Variants in SDC1 observed in about 807,000 individuals in gnomAD.
SDC1 encodes syndecan-1.
In SDC1, 14 loss-of-function variants were observed where a neutral mutation model predicts 29.7. The observed-to-expected ratio is 0.47, with a 90% CI of 0.31 to 0.74. The LOEUF is 0.74. SDC1 is among the 30% of genes least tolerant of loss of function. The probability of loss-of-function intolerance (pLI) is 0.05; values close to 1 mark genes in which losing one functional copy is unlikely to be tolerated. For synonymous variants in SDC1, 204 were observed against 175.5 expected (o/e 1.16, Z -1.29); for missense variants, 406 against 400.3 (o/e 1.01, Z -0.12).
chr2:20,213,189 C>A (rs1558435772), intron 1 of SDC1, among the ~76,000 whole-genome samples: 1 of 152,220 alleles, frequency 6.6e-6, no homozygotes, highest in African/African-American at 2.4e-5. Context: ...CCTCAGCAGC[C>A]CACATGCCAG....
chr2:20,209,148 C>A (rs982301777), intron 1 of SDC1, among the ~76,000 whole-genome samples: 1 of 152,182 alleles, frequency 6.6e-6, no homozygotes, highest in East Asian at 1.9e-4. Flanking sequence ...GGGGTCAGGG[C>A]TCTGACCCAG....
In SDC1 at chr2:20,202,167, G is replaced by C. The variant is rs1291095609; in HGVS notation, c.*599C>G. The C allele has an allele frequency of 7.5e-6, 5 of 664,178 alleles. No homozygotes were observed. The highest frequency in any genetic ancestry group is 5.5e-5 in the African/African-American group (3 of 54,954). The allele number at this position is 664,178 out of a possible 1,614,324, so 41.1% of individuals were successfully genotyped here. A position where few individuals can be genotyped will look rare whatever the true frequency, so the allele number is the denominator to read the frequency against. On this transcript the variant is annotated 3_prime_UTR_variant, in exon 5 of 5. Coordinates refer to ENST00000254351, the MANE Select transcript of SDC1 (RefSeq NM_002997.5). ...GACCATAGATTAGGGAAGCAAGATGGGGGGATACCGAATCAACTTACTTAA... is the reference window on the plus strand; with the variant it reads ...GACCATAGATTAGGGAAGCAAGATGCGGGGATACCGAATCAACTTACTTAA...
At chr2:20,213,480 C>A (rs533059567) in intron 1 of SDC1, among the ~76,000 whole-genome samples, 38 of 152,354 alleles carry the variant, frequency 2.5e-4, no homozygotes, top group African/African-American at 9.1e-4. Context: ...TTGGTATCAT[C>A]ACCCTCAGCT....
At chr2:20,203,292 G>A (rs1247927691) in intron 3 of SDC1, 70 bp from the exon 4 acceptor site, 114 of 1,523,312 alleles carry the variant, frequency 7.5e-5, no homozygotes, top group Non-Finnish European at 9.6e-5. Flanking sequence ...TCCACTACAA[G>A]ACCCAGAAGC....
chr2:20,201,794 C>G lies in SDC1; in HGVS notation c.*972G>C, dbSNP rs1353671349. On this transcript the variant is annotated 3_prime_UTR_variant, in exon 5 of 5. Coordinates refer to ENST00000254351, the MANE Select transcript of SDC1 (RefSeq NM_002997.5). ...TGCAGGAGGATCTCCAGGCCCCTGC[C>G]GCCCTCCCTACAGTCCTCTCTGTCT... is the stretch of plus-strand genomic sequence containing the variant. 6.5e-6 allele frequency: 1 copy of G among 153,578 alleles called. No homozygotes were observed. The highest frequency in any genetic ancestry group is 2.4e-5 in the African/African-American group (1 of 41,478). The allele number at this position is 153,578 out of a possible 1,614,324, so 9.5% of individuals were successfully genotyped here.
chr2:20,203,709 G>A lies in SDC1; in HGVS notation c.627+104C>T, dbSNP rs1410569874. On this transcript the variant is annotated intron_variant, in intron 3 of 4. Transcript: ENST00000254351. ...CGGGCCCCTGTGCCCTGTCTTCCTG[G>A]TGAGGAATACGAGATGCCCGCAGGG... 5 of 873,520 alleles carry A rather than the reference G, an allele frequency of 5.7e-6. No homozygotes were observed. In the African/African-American group the frequency reaches 8.4e-5, roughly 15 times the overall value. The allele number at this position is 873,520 out of a possible 1,614,324, so 54.1% of individuals were successfully genotyped here. A position where few individuals can be genotyped will look rare whatever the true frequency, so the allele number is the denominator to read the frequency against.
At chr2:20,209,862 C>A (rs1296481208) in intron 1 of SDC1, among the ~76,000 whole-genome samples, 1 of 152,266 alleles carries the variant, frequency 6.6e-6, no homozygotes, top group African/African-American at 2.4e-5. Flanking sequence ...GTCCAGTGGG[C>A]ATCTCAGACA....
Position 20,202,903 on chromosome 2 carries a change from A to T in SDC1, c.796T>A (p.Phe266Ile), listed in dbSNP as rs1304755161. Residue 266 changes from phenylalanine (F) to isoleucine (I), a missense_variant, in exon 5 of 5, where the codon TTT becomes ATT. Physicochemically the swap from Phe to Ile is conservative, Grantham distance 21. Coordinates refer to ENST00000254351, the MANE Select transcript of SDC1 (RefSeq NM_002997.5). ...VIAGGLVGLIFAVCLVGFMLY... is the reference protein window; with the variant it reads ...VIAGGLVGLIIAVCLVGFMLY... ...ATGAAACCCACCAGGCACACAGCAA[A>T]GATGAGCCCCACGAGGCCTCCGGCA... 3 of 1,613,262 alleles carry T rather than the reference A, an allele frequency of 1.9e-6. No homozygotes were observed. The highest frequency in any genetic ancestry group is 1.1e-5 in the South Asian group (1 of 90,946).
In SDC1 at chr2:20,203,825, G is replaced by A; in HGVS notation, c.615C>T (p.Gly205=). The change falls in exon 3 of 5, where the codon GGC becomes GGT. Residue 205 remains glycine, a synonymous_variant. Coordinates refer to ENST00000254351, the MANE Select transcript of SDC1 (RefSeq NM_002997.5). The part of the protein sequence containing the change: ...GASSQLPAAE[G]SGEQDFTFET... ...AGAGGCCACTCACCTGCTCCCCAGA[G>A]CCCTCTGCTGCTGGGAGCTGACTGG... 4 of 1,589,982 alleles carry A rather than the reference G, an allele frequency of 2.5e-6. No individual in the cohort carries two copies. The highest frequency in any genetic ancestry group is 2.2e-5 in the South Asian group (2 of 89,782).
Position 20,224,803 on chromosome 2 carries a change from G to A in SDC1, c.65C>T (p.Pro22Leu), listed in dbSNP as rs897966088. The A allele has an allele frequency of 3.1e-6, 4 of 1,303,554 alleles. No homozygotes were observed. Among genetic ancestry groups the A allele is most frequent in the Non-Finnish European group, 3.9e-6 (4 of 1,026,026 alleles). 80.7% of individuals were successfully genotyped at this position (1,303,554 alleles called of 1,614,324 possible). A position where few individuals can be genotyped will look rare whatever the true frequency, so the allele number is the denominator to read the frequency against. Residue 22 changes from proline (P) to leucine (L), a missense_variant and splice_region_variant, in exon 1 of 5, where the codon CCG (proline) becomes CTG (leucine). Pro to Leu is a moderately conservative substitution (Grantham distance 98). Transcript: ENST00000254351. The surrounding 1 kb of genome is among the most constrained non-coding windows in gnomAD (Gnocchi z 4.9). ...ALALSLQPAL[P>L]QIVATNLPPE... ...CGCCTGGCCGCCGGCCGCACTCACC[G>A]GCAGGGCCGGCTGCAGGCTCAGCGC...
rs528249967 is a variant in SDC1, at chr2:20,212,713, G to A, written c.67-7289C>T. Among the ~76,000 whole-genome samples, 134 of 152,266 alleles carry A rather than the reference G, an allele frequency of 8.8e-4. 1 individual carries two copies. Among genetic ancestry groups the A allele is most frequent in the Non-Finnish European group, 1.5e-3 (99 of 68,028 alleles). On this transcript the variant is annotated intron_variant, in intron 1 of 4. Transcript: ENST00000254351. ...ATGACAGGCAGGGAGTGATGGGCCC[G>A]GCCCAGGGCAGGAGGGAGACAGAAA...
Position 20,206,284 on chromosome 2 carries a change from G to T in SDC1, c.67-860C>A, listed in dbSNP as rs141781428. Among the ~76,000 whole-genome samples, 110 of 152,374 alleles carry T rather than the reference G, an allele frequency of 7.2e-4. 1 individual carries two copies. In the East Asian group the frequency reaches 0.02, roughly 27 times the overall value. Reference sequence around the variant, plus strand: ...GCAGTCCCAGGAATGCTGCCCGCCTGCCCAGCTCCAAGAGGCAAAGGGGCC... The same window carrying T: ...GCAGTCCCAGGAATGCTGCCCGCCTTCCCAGCTCCAAGAGGCAAAGGGGCC... On this transcript the variant is annotated intron_variant, in intron 1 of 4. Transcript: ENST00000254351.
chr2:20,216,861 C>T (rs1677641006), intron 1 of SDC1, among the ~76,000 whole-genome samples: 1 of 152,238 alleles, frequency 6.6e-6, no homozygotes, highest in African/African-American at 2.4e-5. Flanking sequence ...AGGCCAGGCG[C>T]CAGAGTTCTG....
rs546187856 is a variant in SDC1, at chr2:20,219,038, A to G, written c.66+5764T>C. ...CCAGTGGCAGCCTCGGGAAGCCCCGAGCGCAGCAGGAGAGGTCGCTGGGCA... is the reference window on the plus strand; with the variant it reads ...CCAGTGGCAGCCTCGGGAAGCCCCGGGCGCAGCAGGAGAGGTCGCTGGGCA... On this transcript the variant is annotated intron_variant, in intron 1 of 4. Transcript: ENST00000254351. Among the ~76,000 whole-genome samples, 52 of 152,290 alleles carry G rather than the reference A, an allele frequency of 3.4e-4. No homozygotes were observed. In the Middle Eastern group the frequency reaches 0.01, roughly 30 times the overall value.
chr2:20,223,737 G>C (rs531246297), intron 1 of SDC1, among the ~76,000 whole-genome samples: 14 of 152,244 alleles, frequency 9.2e-5, no homozygotes, highest in Non-Finnish European at 1.8e-4. Flanking sequence ...TACAGGGGCC[G>C]AGAACAAAGC....
At chr2:20,206,311 G>A (rs1259090546) in intron 1 of SDC1, among the ~76,000 whole-genome samples, 1 of 152,240 alleles carries the variant, frequency 6.6e-6, no homozygotes, top group Non-Finnish European at 1.5e-5. Context: ...AAAGGGGCCA[G>A]AGGGCAAACA....
At chr2:20,220,235 T>C (rs1677773220) in intron 1 of SDC1, among the ~76,000 whole-genome samples, 1 of 152,192 alleles carries the variant, frequency 6.6e-6, no homozygotes, top group Non-Finnish European at 1.5e-5. Context: ...CTCATATCCA[T>C]GGTCTTCAGG....
Position 20,202,173 on chromosome 2 carries a change from T to C in SDC1, c.*593A>G, listed in dbSNP as rs913027380. On this transcript the variant is annotated 3_prime_UTR_variant, in exon 5 of 5. Transcript: ENST00000254351. ...AGATTAGGGAAGCAAGATGGGGGGA[T>C]ACCGAATCAACTTACTTAACTTACC... 1.8e-5 allele frequency: 12 copies of C among 676,456 alleles called. No individual in the cohort carries two copies. Among genetic ancestry groups the C allele is most frequent in the East Asian group, 2.8e-5 (1 of 35,908 alleles). The allele number at this position is 676,456 out of a possible 1,614,324, so 41.9% of individuals were successfully genotyped here.
intron 1 of SDC1, among the ~76,000 whole-genome samples, chr2:20,219,108 C>T (rs970773084): frequency 6.6e-6 from 1 of 152,254 alleles, no homozygotes; most frequent in Non-Finnish European, 1.5e-5. Flanking sequence ...CTGTTCTGCT[C>T]TCCTGACTCA....
Sources: gnomAD v4.1 joint callset for allele counts (sites outside exome capture counted in the v4.1 genomes callset) on GRCh38, gnomAD v4.1.1 for gene constraint, Gnocchi (gnomAD v3.1) non-coding constraint, MANE v1.5 for transcripts, NCBI Gene and HGNC (gene_info 2026-07-23, HGNC 2026-07-21) for gene names.